The following EMP2 variants were observed in gnomAD, a reference collection of about 807,000 sequenced individuals.
EMP2 encodes epithelial membrane protein 2.
Under a neutral mutation model 13.7 loss-of-function variants are expected in EMP2, and 19 were observed. The observed-to-expected ratio is 1.38, with a 90% CI of 0.97 to 2.03. The LOEUF is 2.03. EMP2 is among the 30% of genes most tolerant of loss of function. The pLI, the probability that EMP2 is intolerant of heterozygous loss-of-function variation, is 0.00. For synonymous variants in EMP2, 97 were observed against 84.7 expected (o/e 1.15, Z -0.80); for missense variants, 253 against 220.7 (o/e 1.15, Z -0.93).
intron 1 of EMP2, among the ~76,000 whole-genome samples, chr16:10,559,892 C>G (rs981310716): frequency 1.2e-4 from 19 of 152,152 alleles, no homozygotes; most frequent in African/African-American, 3.6e-4. Flanking sequence ...CCAGGCTGGT[C>G]TTGAACTCCT....
intron 1 of EMP2, among the ~76,000 whole-genome samples, chr16:10,564,614 C>T (rs181785008): frequency 3.0e-4 from 46 of 152,062 alleles, no homozygotes; most frequent in African/African-American, 9.4e-4. Context: ...TCACCAGCAT[C>T]GTAGTCAAGG....
intron 1 of EMP2, among the ~76,000 whole-genome samples, chr16:10,558,478 A>AGTGTGT (rs61441812): frequency 4.7e-4 from 70 of 149,998 alleles, no homozygotes; most frequent in Non-Finnish European, 7.6e-4. Flanking sequence ...GTTTGCTTAA[A>AGTGTGT]GTGTGTGTGT....
In EMP2 at chr16:10,580,391, C is replaced by A. The variant is rs932728533; in HGVS notation, c.-61+158G>T. Among the ~76,000 whole-genome samples the A allele has an allele frequency of 3.3e-5, 5 of 152,324 alleles. No individual in the cohort carries two copies. The highest frequency in any genetic ancestry group is 9.6e-5 in the African/African-American group (4 of 41,572). On this transcript the variant is annotated intron_variant, in intron 1 of 4. Coordinates refer to ENST00000359543, the MANE Select transcript of EMP2 (RefSeq NM_001424.6). This position sits in a 1 kb window ranked among gnomAD's most constrained non-coding sequence, Gnocchi z 4.3. ...GAGCGTGGCGCAGACCAGAGGTCGGCGGCATGGGTGGCACCTCGGCCCTCC... is the reference window on the plus strand; with the variant it reads ...GAGCGTGGCGCAGACCAGAGGTCGGAGGCATGGGTGGCACCTCGGCCCTCC...
intron 2 of EMP2, chr16:10,545,354 T>C (rs2050731572): frequency 6.6e-6 from 1 of 152,210 alleles, no homozygotes; most frequent in Non-Finnish European, 1.5e-5. Flanking sequence ...CCATGGGCCA[T>C]GGACTGGTAC....
chr16:10,570,106 C>T (rs1394648553), intron 1 of EMP2, among the ~76,000 whole-genome samples: 5 of 152,144 alleles, frequency 3.3e-5, no homozygotes, highest in Admixed American at 2.6e-4. Context: ...AGATAGGAAG[C>T]GATGGTCCCT....
chr16:10,537,938 C>G lies in EMP2; in HGVS notation c.306G>C (p.Gln102His). 6.2e-7 allele frequency: 1 copy of G among 1,614,106 alleles called. No individual in the cohort carries two copies. The highest frequency in any genetic ancestry group is 8.5e-7 in the Non-Finnish European group (1 of 1,180,022). ...CGTTGATGTACTTACATGACATTAGCTGGATGATGGAGGTTAGGACAAACC... is the reference window on the plus strand; with the variant it reads ...CGTTGATGTACTTACATGACATTAGGTGGATGATGGAGGTTAGGACAAACC... Reference protein sequence around the residue: ...GERFVLTSIIQLMSCLCVMIA... With the variant: ...GERFVLTSIIHLMSCLCVMIA... The change falls in exon 4 of 5, where the codon CAG becomes CAC. Residue 102 changes from glutamine (Q) to histidine (H), a missense_variant. Coordinates refer to ENST00000359543, the MANE Select transcript of EMP2 (RefSeq NM_001424.6).
intron 1 of EMP2, among the ~76,000 whole-genome samples, chr16:10,563,279 T>A (rs1305154490): frequency 6.6e-6 from 1 of 152,046 alleles, no homozygotes; most frequent in African/African-American, 2.4e-5. Context: ...GCAACCTCTG[T>A]CTCCTGCATT....
At chr16:10,566,513 G>C (rs1287582676) in intron 1 of EMP2, among the ~76,000 whole-genome samples, 1 of 152,156 alleles carries the variant, frequency 6.6e-6, no homozygotes, top group Admixed American at 6.5e-5. Flanking sequence ...AAAGAGAACT[G>C]AAAAGGGAAT....
At chr16:10,546,635 C>A (rs1283588645) in intron 2 of EMP2, 1 of 152,062 alleles carries the variant, frequency 6.6e-6, no homozygotes, top group East Asian at 1.9e-4. Context: ...CCTGGAAGAT[C>A]TAGGGCAGCG....
intron 1 of EMP2, among the ~76,000 whole-genome samples, chr16:10,575,653 T>G (rs2050979574): frequency 6.6e-6 from 1 of 152,134 alleles, no homozygotes; most frequent in Non-Finnish European, 1.5e-5. Context: ...ACAGAGTTGC[T>G]TAATAATAAC....
chr16:10,535,040 C>G (rs2050636548), intron 4 of EMP2, among the ~76,000 whole-genome samples: 1 of 152,224 alleles, frequency 6.6e-6, no homozygotes, highest in African/African-American at 2.4e-5. Context: ...GGAGCCGCTG[C>G]CTATCAGTTG....
chr16:10,553,680 G>A (rs2050805933), intron 1 of EMP2, among the ~76,000 whole-genome samples: 2 of 152,336 alleles, frequency 1.3e-5, no homozygotes, highest in East Asian at 1.9e-4. Context: ...CTTTCCCTGT[G>A]CCTACGAATC....
chr16:10,555,043 T>C (rs1033265941), intron 1 of EMP2, among the ~76,000 whole-genome samples: 1 of 152,254 alleles, frequency 6.6e-6, no homozygotes, highest in African/African-American at 2.4e-5. Context: ...TCTAGAAATG[T>C]AGAGCTGTAA....
At chr16:10,538,162 G>T in intron 3 of EMP2, 88 bp from the exon 4 acceptor site, 1 of 1,515,792 alleles carries the variant, frequency 6.6e-7, no homozygotes, top group Non-Finnish European at 9.0e-7. Context: ...CTCCAGAGTA[G>T]GTGTGACAGG....
chr16:10,535,902 C>T (rs2050643416), intron 4 of EMP2, among the ~76,000 whole-genome samples: 2 of 152,172 alleles, frequency 1.3e-5, no homozygotes, highest in South Asian at 4.1e-4. Context: ...GCTTGTTGCT[C>T]TCCAACGCTT....
intron 2 of EMP2, 58 bp downstream of exon 2, chr16:10,547,482 C>G: frequency 6.4e-7 from 1 of 1,566,260 alleles, no homozygotes; most frequent in Middle Eastern, 1.7e-4. Context: ...CAATACAACC[C>G]ACTTCTATTG....
At chr16:10,536,499 C>T (rs1192555729) in intron 4 of EMP2, among the ~76,000 whole-genome samples, 1 of 152,146 alleles carries the variant, frequency 6.6e-6, no homozygotes, top group African/African-American at 2.4e-5. Flanking sequence ...AGTTCCCCTG[C>T]ACACGCTCTC....
At chr16:10,543,266 G>T (rs1471263730) in intron 3 of EMP2, among the ~76,000 whole-genome samples, 1 of 152,258 alleles carries the variant, frequency 6.6e-6, no homozygotes, top group Non-Finnish European at 1.5e-5. Context: ...TTCTAGATGA[G>T]AGCTGAAGCT....
chr16:10,572,862 G>T (rs564378190), intron 1 of EMP2, among the ~76,000 whole-genome samples: 1 of 152,198 alleles, frequency 6.6e-6, no homozygotes, highest in Admixed American at 6.5e-5. Flanking sequence ...ACTCATTCTG[G>T]GACGGATGAG....
Sources: gnomAD v4.1 joint callset for allele counts (sites outside exome capture counted in the v4.1 genomes callset) on GRCh38, gnomAD v4.1.1 for gene constraint, Gnocchi (gnomAD v3.1) non-coding constraint, MANE v1.5 for transcripts, NCBI Gene and HGNC (gene_info 2026-07-23, HGNC 2026-07-21) for gene names.